The following IPO5 variants were observed in gnomAD, a reference collection of about 807,000 sequenced individuals.
IPO5 encodes importin-5.
Under a neutral mutation model 143.3 loss-of-function variants are expected in IPO5, and 18 were observed. The ratio of observed to expected loss-of-function variants is 0.13; its 90% CI spans 0.09 to 0.19. The LOEUF (loss-of-function observed/expected upper bound fraction) is 0.19, where lower values mean the gene tolerates loss of function less well. IPO5 is among the 10% of genes least tolerant of loss of function. IPO5 has a pLI of 1.00. For missense variants in IPO5, 1,013 were observed against 1,336.9 expected (o/e 0.76, Z 3.78); for synonymous variants, 477 against 465.7 (o/e 1.02, Z -0.31).
chr13:97,992,373 T>C (rs1008474394), intron 9 of IPO5, among the ~76,000 whole-genome samples: 1 of 152,232 alleles, frequency 6.6e-6, no homozygotes, highest in Admixed American at 6.5e-5. Flanking sequence ...TTACAGGTTC[T>C]AGTACTTACT....
In IPO5 at chr13:98,002,976, T is replaced by C. The variant is rs1377601442; in HGVS notation, c.1436T>C (p.Ile479Thr). Residue 479 changes from isoleucine to threonine, a missense_variant, in exon 16 of 29, where the codon ATT (isoleucine) becomes ACT (threonine). By Grantham distance (89) the Ile-to-Thr change is moderately conservative (BLOSUM62 -1). Around this residue, in one of 2 missense-constraint regions of IPO5, gnomAD observed 685 missense variants for 994.9 expected, o/e 0.69. Coordinates refer to ENST00000651721, the MANE Select transcript of IPO5 (RefSeq NM_002271.6). ...FTEDCPKSLL[I>T]PYLDNLVKHL... Reference sequence around the variant, plus strand: ...GAAGACTGTCCCAAGTCACTACTTATTCCATACTTGGATAATTTGGTGAAA... The same window carrying C: ...GAAGACTGTCCCAAGTCACTACTTACTCCATACTTGGATAATTTGGTGAAA... 1.9e-6 allele frequency: 3 copies of C among 1,613,752 alleles called. No homozygotes were observed. Among genetic ancestry groups the C allele is most frequent in the South Asian group, 1.1e-5 (1 of 91,084 alleles).
chr13:97,967,476 CTTCT>C (rs1885441203), intron 2 of IPO5, among the ~76,000 whole-genome samples: 1 of 151,326 alleles, frequency 6.6e-6, no homozygotes, highest in African/African-American at 2.4e-5. Context: ...TTAGTTTGCC[CTTCT>C]TTCTTTAGTA....
chr13:97,961,620 T>C lies in IPO5; in HGVS notation c.-113+7422T>C, dbSNP rs538773809. ...TGCCTTTTTTATTAAAGCCATTTTA[T>C]TGGGTATGAAGTGGTAACTTACATT... On this transcript the variant is annotated intron_variant, in intron 2 of 28. Coordinates refer to ENST00000651721, the MANE Select transcript of IPO5 (RefSeq NM_002271.6). Among the ~76,000 whole-genome samples the C allele has an allele frequency of 2.0e-5, 3 of 152,342 alleles. No individual in the cohort carries two copies. In the South Asian group the frequency reaches 6.2e-4, roughly 32 times the overall value.
In IPO5 at chr13:97,985,429, A is replaced by C. The variant is rs1207510102; in HGVS notation, c.180A>C (p.Gln60His). ...RNTTAAEEAR[Q>H]MAAVLLRRLL... is the part of the protein sequence containing the mutation. ...ATGTTATCTGTTTATAGGCTAGACAAATGGCCGCCGTTCTCCTAAGACGTC... is the reference window on the plus strand; with the variant it reads ...ATGTTATCTGTTTATAGGCTAGACACATGGCCGCCGTTCTCCTAAGACGTC... The change falls in exon 6 of 29, where the codon CAA becomes CAC. Residue 60 changes from glutamine to histidine, a missense_variant. This residue lies in a region of IPO5 where 328 missense variants were observed against 342.0 expected (regional missense o/e 0.96). Coordinates refer to ENST00000651721, the MANE Select transcript of IPO5 (RefSeq NM_002271.6). 2.5e-6 allele frequency: 4 copies of C among 1,613,724 alleles called. No individual in the cohort carries two copies. The highest frequency in any genetic ancestry group is 3.4e-6 in the Non-Finnish European group (4 of 1,179,732).
chr13:97,974,384 G>A lies in IPO5; in HGVS notation c.-4-2309G>A, dbSNP rs1375369107. Among the ~76,000 whole-genome samples the A allele has an allele frequency of 2.0e-5, 3 of 149,634 alleles. 1 individual carries two copies. In the East Asian group the frequency reaches 6.0e-4, roughly 30 times the overall value. On this transcript the variant is annotated intron_variant, in intron 3 of 28. Transcript: ENST00000651721. ...TGCAATGGCACGATCTCGGCTCACTGTAACCTCCACCTCCCAGGTTCAAGT... is the reference window on the plus strand; with the variant it reads ...TGCAATGGCACGATCTCGGCTCACTATAACCTCCACCTCCCAGGTTCAAGT...
At chr13:98,002,312 GC>G in intron 13 of IPO5, 154 bp from the exon 14 acceptor site, 2 of 599,046 alleles carry the variant, frequency 3.3e-6, no homozygotes, top group Non-Finnish European at 5.4e-6. Context: ...ACCGCGCCCG[GC>G]CTATACAAAT....
At chr13:97,962,486 C>A (rs1239735578) in intron 2 of IPO5, among the ~76,000 whole-genome samples, 1 of 152,040 alleles carries the variant, frequency 6.6e-6, no homozygotes, top group Non-Finnish European at 1.5e-5. Context: ...GTCATGGCTC[C>A]TATATTAGCC....
intron 4 of IPO5, 103 bp from the exon 5 acceptor site, chr13:97,982,400 T>A: frequency 1.4e-6 from 1 of 735,904 alleles, no homozygotes; most frequent in Non-Finnish European, 2.3e-6. Flanking sequence ...AGACCTAGAT[T>A]AAATAATTTC....
At chr13:97,998,036 C>T (rs972169815) in intron 12 of IPO5, among the ~76,000 whole-genome samples, 5 of 152,172 alleles carry the variant, frequency 3.3e-5, no homozygotes, top group East Asian at 1.9e-4. Context: ...AGTGCAGTGG[C>T]GCGATCTCGG....
intron 20 of IPO5, among the ~76,000 whole-genome samples, chr13:98,011,974 G>A (rs1260351238): frequency 1.3e-5 from 2 of 151,810 alleles, no homozygotes; most frequent in Admixed American, 6.6e-5. Flanking sequence ...AATGGAATAC[G>A]AATGATTCCA....
At chr13:97,993,300 A>T (rs1887954663) in intron 11 of IPO5, 75 bp downstream of exon 11, 4 of 1,219,172 alleles carry the variant, frequency 3.3e-6, no homozygotes, top group Non-Finnish European at 4.7e-6. Flanking sequence ...GGGTTGTGTG[A>T]TTTCTCAGAT....
At chr13:97,990,284 A>G (rs2139689463) in intron 8 of IPO5, 62 bp downstream of exon 8, 1 of 1,267,098 alleles carries the variant, frequency 7.9e-7, no homozygotes, top group Non-Finnish European at 1.1e-6. Context: ...GAAAGAAATT[A>G]GTATATTAGG....
chr13:97,969,824 C>G lies in IPO5; in HGVS notation c.-11C>G. Reference sequence around the variant, plus strand: ...GGAAAACTAGAAGCAACAGAAAACACAATAAGGTAACTGATTTCACCTGGG... The same window carrying G: ...GGAAAACTAGAAGCAACAGAAAACAGAATAAGGTAACTGATTTCACCTGGG... On this transcript the variant is annotated 5_prime_UTR_variant, in exon 3 of 29. Transcript: ENST00000651721. 1.2e-6 allele frequency: 2 copies of G among 1,609,758 alleles called. No individual in the cohort carries two copies. Among genetic ancestry groups the G allele is most frequent in the Non-Finnish European group, 1.7e-6 (2 of 1,176,932 alleles).
intron 5 of IPO5, among the ~76,000 whole-genome samples, chr13:97,984,636 GA>G (rs569564712): frequency 1.8e-4 from 27 of 151,868 alleles, no homozygotes; most frequent in Non-Finnish European, 3.1e-4. Context: ...AGTAATGGAG[GA>G]AAAAAATAGC....
At position 98,003,012 on chromosome 13, in the gene IPO5, C is replaced by G. The variant is rs1306355057; in HGVS notation, c.1472C>G (p.Ser491Cys). Residue 491 changes from serine to cysteine, a missense_variant, in exon 16 of 29, where the codon TCC (serine) becomes TGC (cysteine). Physicochemically the swap from Ser to Cys is moderately radical, Grantham distance 112. Coordinates refer to ENST00000651721, the MANE Select transcript of IPO5 (RefSeq NM_002271.6). ...GATAATTTGGTGAAACATCTGCATT[C>G]CATTATGGTACTGAAGCTTCAAGAG... ...YLDNLVKHLHSIMVLKLQELI... is the reference protein window; with the variant it reads ...YLDNLVKHLHCIMVLKLQELI... 1 of 1,612,352 alleles carries G rather than the reference C, an allele frequency of 6.2e-7. No individual in the cohort carries two copies. The highest frequency in any genetic ancestry group is 8.5e-7 in the Non-Finnish European group (1 of 1,179,332).
chr13:97,965,329 C>G (rs1164588259), intron 2 of IPO5, among the ~76,000 whole-genome samples: 1 of 151,958 alleles, frequency 6.6e-6, no homozygotes, highest in Non-Finnish European at 1.5e-5. Context: ...GCACGTTCTG[C>G]ACATGTATAT....
At chr13:97,985,975 G>A (rs534590762) in intron 6 of IPO5, among the ~76,000 whole-genome samples, 13 of 152,126 alleles carry the variant, frequency 8.5e-5, no homozygotes, top group African/African-American at 2.7e-4. Context: ...ATTAGTGGGC[G>A]TGATGGTGTG....
At chr13:97,988,865 CTTT>C (rs35403275) in intron 6 of IPO5, among the ~76,000 whole-genome samples, 194 bp from the exon 7 acceptor site, 2 of 141,850 alleles carry the variant, frequency 1.4e-5, no homozygotes, top group East Asian at 2.0e-4. Flanking sequence ...TTTGTTTGGT[CTTT>C]TTTTTTTTTT....
intron 3 of IPO5, among the ~76,000 whole-genome samples, chr13:97,974,370 G>A (rs998678769): frequency 6.7e-6 from 1 of 150,126 alleles, no homozygotes; most frequent in Non-Finnish European, 1.5e-5. Flanking sequence ...GCAATGGCAC[G>A]ATCTCGGCTC....
Sources: gnomAD v4.1 joint callset for allele counts (sites outside exome capture counted in the v4.1 genomes callset) on GRCh38, gnomAD v4.1.1 for gene constraint, gnomAD v4.1.1 regional missense constraint, MANE v1.5 for transcripts, NCBI Gene and HGNC (gene_info 2026-07-23, HGNC 2026-07-21) for gene names.